ROR2: variants seen among roughly 807,000 people sequenced by gnomAD.
ROR2 encodes ROR family WNT receptor 2, also known as tyrosine-protein kinase transmembrane receptor ROR2.
In ROR2, 33 loss-of-function variants were observed where a neutral mutation model predicts 74.9. That is an observed-to-expected ratio of 0.44 (90% CI 0.33 to 0.59). The LOEUF is 0.59. ROR2 is among the 20% of genes least tolerant of loss of function. The pLI, the probability that ROR2 is intolerant of heterozygous loss-of-function variation, is 0.02. For missense variants in ROR2, 1,216 were observed against 1,313.8 expected (o/e 0.93, Z 1.15); for synonymous variants, 586 against 558.7 (o/e 1.05, Z -0.69).
chr9:91,901,922 G>T (rs904494390), intron 1 of ROR2, among the ~76,000 whole-genome samples: 1 of 151,946 alleles, frequency 6.6e-6, no homozygotes, highest in Non-Finnish European at 1.5e-5. Flanking sequence ...GGTGTAGGTG[G>T]GGGGGCCTAC....
intron 1 of ROR2, among the ~76,000 whole-genome samples, chr9:91,818,154 C>A (rs1281970081): frequency 6.6e-6 from 1 of 152,192 alleles, no homozygotes; most frequent in Non-Finnish European, 1.5e-5. Flanking sequence ...AGTTTGACTT[C>A]TTTCCAAGAA....
intron 1 of ROR2, among the ~76,000 whole-genome samples, chr9:91,903,245 C>G (rs190711320): frequency 6.6e-6 from 1 of 152,026 alleles, no homozygotes; most frequent in East Asian, 1.9e-4. Context: ...TTTCTGTGCC[C>G]CTGACTGCAG....
intron 2 of ROR2, among the ~76,000 whole-genome samples, chr9:91,764,818 C>A (rs1826013959): frequency 6.6e-6 from 1 of 152,150 alleles, no homozygotes; most frequent in South Asian, 2.1e-4. Context: ...CTGAAAACAT[C>A]CATGACTTTC....
chr9:91,915,446 T>TCA (rs907636872), intron 1 of ROR2, among the ~76,000 whole-genome samples: 2 of 152,000 alleles, frequency 1.3e-5, no homozygotes, highest in African/African-American at 4.8e-5. Flanking sequence ...CTCTTAAAGG[T>TCA]GGTGTGTCTG....
chr9:91,943,392 A>T (rs1208073188), intron 1 of ROR2, among the ~76,000 whole-genome samples: 1 of 151,728 alleles, frequency 6.6e-6, no homozygotes, highest in African/African-American at 2.4e-5. Flanking sequence ...ATATATACCA[A>T]ATATATATAT....
intron 1 of ROR2, among the ~76,000 whole-genome samples, chr9:91,899,650 G>A (rs1830622281): frequency 6.6e-6 from 1 of 152,082 alleles, no homozygotes; most frequent in Non-Finnish European, 1.5e-5. Flanking sequence ...GGGAGGAGGG[G>A]GCAGCTGGGA....
intron 1 of ROR2, among the ~76,000 whole-genome samples, chr9:91,806,628 C>T (rs777297461): frequency 2.0e-5 from 3 of 152,134 alleles, no homozygotes; most frequent in South Asian, 2.1e-4. Flanking sequence ...CTCGCTCTGT[C>T]GCCCAGGCTG....
intron 1 of ROR2, among the ~76,000 whole-genome samples, chr9:91,860,035 G>C (rs527714553): frequency 6.6e-6 from 1 of 152,162 alleles, no homozygotes; most frequent in Admixed American, 6.5e-5. Flanking sequence ...GCACAGGCAG[G>C]GGCCTCTCTT....
intron 1 of ROR2, among the ~76,000 whole-genome samples, chr9:91,898,554 T>C (rs1201694448): frequency 6.6e-6 from 1 of 152,148 alleles, no homozygotes; most frequent in Non-Finnish European, 1.5e-5. Flanking sequence ...TGACAAAGTG[T>C]TCCCATTCAA....
intron 1 of ROR2, among the ~76,000 whole-genome samples, chr9:91,892,542 T>A (rs1830445230): frequency 6.6e-6 from 1 of 152,230 alleles, no homozygotes; most frequent in Non-Finnish European, 1.5e-5. Flanking sequence ...ATTTTTTTTT[T>A]TTATTTTACC....
intron 1 of ROR2, among the ~76,000 whole-genome samples, chr9:91,942,381 T>TG (rs1831896333): frequency 6.6e-6 from 1 of 152,182 alleles, no homozygotes; most frequent in Admixed American, 6.5e-5. Flanking sequence ...AAGGAATCTG[T>TG]GGGGAAATCC....
At chr9:91,726,034 T>A (rs1837017523) in intron 8 of ROR2, among the ~76,000 whole-genome samples, 1 of 152,200 alleles carries the variant, frequency 6.6e-6, no homozygotes, top group South Asian at 2.1e-4. Flanking sequence ...TTCTCATCTG[T>A]TGTATTTCAG....
chr9:91,847,592 C>T (rs1033145267), intron 1 of ROR2, among the ~76,000 whole-genome samples: 1 of 151,802 alleles, frequency 6.6e-6, no homozygotes, highest in African/African-American at 2.4e-5. Flanking sequence ...CAAAGTAAGC[C>T]CAGGCAGGCG....
At chr9:91,912,506 G>T (rs1431253537) in intron 1 of ROR2, among the ~76,000 whole-genome samples, 1 of 152,000 alleles carries the variant, frequency 6.6e-6, no homozygotes, top group Non-Finnish European at 1.5e-5. Flanking sequence ...ATACTACTAT[G>T]TATCAATAAA....
intron 1 of ROR2, among the ~76,000 whole-genome samples, chr9:91,906,131 T>G (rs1002081120): frequency 2.0e-5 from 3 of 152,090 alleles, no homozygotes; most frequent in Non-Finnish European, 4.4e-5. Flanking sequence ...GAAGCTCCCG[T>G]GGCCAGGCTG....
chr9:91,883,589 T>C (rs1286199782), intron 1 of ROR2, among the ~76,000 whole-genome samples: 2 of 152,218 alleles, frequency 1.3e-5, no homozygotes, highest in African/African-American at 4.8e-5. Flanking sequence ...GGCTACTGAT[T>C]TGGACATGAC....
intron 2 of ROR2, among the ~76,000 whole-genome samples, chr9:91,769,299 G>A (rs545613067): frequency 1.3e-5 from 2 of 152,110 alleles, no homozygotes; most frequent in African/African-American, 2.4e-5. Flanking sequence ...CCGTGTCCTC[G>A]TAAAAGGAGT....
At chr9:91,815,883 G>A (rs1827912929) in intron 1 of ROR2, among the ~76,000 whole-genome samples, 1 of 152,174 alleles carries the variant, frequency 6.6e-6, no homozygotes, top group Non-Finnish European at 1.5e-5. Context: ...GCCCGTGGAA[G>A]GGGTTGCCCT....
chr9:91,830,057 A>G (rs1388634413), intron 1 of ROR2, among the ~76,000 whole-genome samples: 1 of 152,246 alleles, frequency 6.6e-6, no homozygotes, highest in Non-Finnish European at 1.5e-5. Flanking sequence ...ATTATGACTC[A>G]TATCTAATTC....
Sources: gnomAD v4.1 joint callset for allele counts (sites outside exome capture counted in the v4.1 genomes callset) on GRCh38, gnomAD v4.1.1 for gene constraint, MANE v1.5 for transcripts, NCBI Gene and HGNC (gene_info 2026-07-23, HGNC 2026-07-21) for gene names.